MAGI2: variants seen among roughly 807,000 people sequenced by gnomAD.
The protein encoded by MAGI2 is membrane-associated guanylate kinase, WW and PDZ domain-containing protein 2.
A neutral mutation model predicts 133.3 loss-of-function variants in MAGI2; 35 were observed. That is an observed-to-expected ratio of 0.26 (90% CI 0.20 to 0.35). The LOEUF is 0.35. MAGI2 is among the 10% of genes least tolerant of loss of function. MAGI2 has a pLI of 1.00. For missense variants in MAGI2, 1,636 were observed against 1,863.4 expected (o/e 0.88, Z 2.25); for synonymous variants, 729 against 710.6 (o/e 1.03, Z -0.41).
At chr7:78,767,157 T>G (rs934078892) in intron 2 of MAGI2, among the ~76,000 whole-genome samples, 6 of 151,908 alleles carry the variant, frequency 3.9e-5, no homozygotes, top group Non-Finnish European at 8.8e-5. Flanking sequence ...ACCTGGCTAA[T>G]TGTTTTGTAT....
At chr7:79,133,036 A>C (rs540788166) in intron 1 of MAGI2, among the ~76,000 whole-genome samples, 7 of 152,156 alleles carry the variant, frequency 4.6e-5, no homozygotes, top group African/African-American at 1.4e-4. Flanking sequence ...TTCCTTGTAG[A>C]TTCTGCTTAC....
At chr7:78,944,631 A>G (rs1801259893) in intron 2 of MAGI2, among the ~76,000 whole-genome samples, 1 of 152,154 alleles carries the variant, frequency 6.6e-6, no homozygotes, top group African/African-American at 2.4e-5. Flanking sequence ...AATTTATTAC[A>G]CTTGGGTACA....
chr7:78,647,232 T>A (rs1384862837), intron 2 of MAGI2, among the ~76,000 whole-genome samples: 5 of 151,864 alleles, frequency 3.3e-5, no homozygotes, highest in Non-Finnish European at 7.4e-5. Context: ...TGGGAGAAAA[T>A]TTTTGCAATC....
At chr7:79,181,000 A>G (rs1826567259) in intron 1 of MAGI2, among the ~76,000 whole-genome samples, 2 of 151,860 alleles carry the variant, frequency 1.3e-5, no homozygotes, top group Admixed American at 6.6e-5. Flanking sequence ...GTGAGTTCTC[A>G]TGGTCTTGGG....
chr7:79,387,238 C>G (rs553825862), intron 1 of MAGI2, among the ~76,000 whole-genome samples: 8 of 152,008 alleles, frequency 5.3e-5, no homozygotes, highest in African/African-American at 1.4e-4. Flanking sequence ...CCTATCTTTA[C>G]ATCAGTGGGA....
intron 2 of MAGI2, among the ~76,000 whole-genome samples, chr7:78,782,548 G>A (rs1317324538): frequency 6.6e-6 from 1 of 152,150 alleles, no homozygotes; most frequent in Non-Finnish European, 1.5e-5. Context: ...TCTAGCTGAA[G>A]TGGGTTTAAT....
intron 20 of MAGI2, among the ~76,000 whole-genome samples, chr7:78,084,535 G>A (rs1816406971): frequency 6.6e-6 from 1 of 152,196 alleles, no homozygotes; most frequent in Admixed American, 6.5e-5. Context: ...TTGAAATACT[G>A]CCTTACGCAG....
chr7:78,255,411 C>T (rs561462799), intron 10 of MAGI2: 51 of 195,286 alleles, frequency 2.6e-4, no homozygotes, highest in South Asian at 4.2e-4. Context: ...TCATTCCAAA[C>T]TGTGAAAAGA....
chr7:79,114,586 T>C (rs1819230240), intron 1 of MAGI2, among the ~76,000 whole-genome samples: 1 of 152,172 alleles, frequency 6.6e-6, no homozygotes, highest in African/African-American at 2.4e-5. Context: ...ATCAAGTGAA[T>C]GTCATAGTAT....
At chr7:78,787,911 C>G (rs1285204739) in intron 2 of MAGI2, among the ~76,000 whole-genome samples, 1 of 152,154 alleles carries the variant, frequency 6.6e-6, no homozygotes, top group Non-Finnish European at 1.5e-5. Flanking sequence ...AAACTGAGAA[C>G]AAATCCCATA....
chr7:78,717,020 A>G (rs929059957), intron 2 of MAGI2, among the ~76,000 whole-genome samples: 3 of 152,064 alleles, frequency 2.0e-5, no homozygotes, highest in African/African-American at 7.2e-5. Flanking sequence ...CCCAGGCCTA[A>G]CCCCTAACCC....
chr7:78,520,988 C>A (rs1796445652), intron 4 of MAGI2, among the ~76,000 whole-genome samples: 1 of 152,078 alleles, frequency 6.6e-6, no homozygotes, highest in African/African-American at 2.4e-5. Flanking sequence ...ATGACATAAC[C>A]TCTACTGAGA....
At position 78,857,038 on chromosome 7, in the gene MAGI2, A is replaced by C. The variant is rs528913123; in HGVS notation, c.418+150052T>G. 5.3e-5 allele frequency among the ~76,000 whole-genome samples: 8 copies of C among 152,240 alleles called. No individual in the cohort carries two copies. The South Asian group carries it at 1.2e-3, about 24-fold the overall frequency. On this transcript the variant is annotated intron_variant, in intron 2 of 21. Coordinates refer to ENST00000354212, the MANE Select transcript of MAGI2 (RefSeq NM_012301.4). ...AATTGTGAATGGGAGTTCACTCATG[A>C]TTTGGCTCTCTGTTTGTCTGTTATT... is the stretch of plus-strand genomic sequence containing the variant.
chr7:78,992,655 T>C (rs894786915), intron 2 of MAGI2, among the ~76,000 whole-genome samples: 7 of 152,012 alleles, frequency 4.6e-5, no homozygotes, highest in African/African-American at 1.4e-4. Flanking sequence ...GGTCAACATA[T>C]AGGCTTAAAT....
chr7:78,847,069 G>A (rs1233470167), intron 2 of MAGI2, among the ~76,000 whole-genome samples: 1 of 151,788 alleles, frequency 6.6e-6, no homozygotes, highest in Non-Finnish European at 1.5e-5. Flanking sequence ...AAAGATAATA[G>A]GTAGTTCAAA....
rs56324862 is a variant in MAGI2, at chr7:78,131,667, T to G, written c.3203+1222A>C. Among the ~76,000 whole-genome samples, 1,293 of 152,334 alleles carry G rather than the reference T, an allele frequency of 8.5e-3. 18 individuals carry two copies. The highest frequency in any genetic ancestry group is 0.03 in the African/African-American group (1,229 of 41,572). ...ATGGGAACATGTCTTCATCTTTCTCTTTAATGGCTGAACCCAACCCAGGCT... is the reference window on the plus strand; with the variant it reads ...ATGGGAACATGTCTTCATCTTTCTCGTTAATGGCTGAACCCAACCCAGGCT... On this transcript the variant is annotated intron_variant, in intron 18 of 21. Transcript: ENST00000354212.
At chr7:78,058,875 A>G (rs1334224631) in intron 21 of MAGI2, among the ~76,000 whole-genome samples, 2 of 152,184 alleles carry the variant, frequency 1.3e-5, no homozygotes, top group Non-Finnish European at 2.9e-5. Flanking sequence ...GAATTTTCCT[A>G]TGTCTTTTTC....
intron 9 of MAGI2, among the ~76,000 whole-genome samples, chr7:78,328,312 C>G (rs908640936): frequency 2.0e-5 from 3 of 151,736 alleles, no homozygotes; most frequent in Non-Finnish European, 4.4e-5. Context: ...TGAGGTTCTA[C>G]TCTGTAAGTT....
chr7:78,672,866 C>T (rs1814557032), intron 2 of MAGI2, among the ~76,000 whole-genome samples: 1 of 152,150 alleles, frequency 6.6e-6, no homozygotes, highest in Non-Finnish European at 1.5e-5. Context: ...TTACCATTGT[C>T]TCAAACTTAT....
Sources: allele counts gnomAD v4.1 joint callset (sites outside exome capture counted in the v4.1 genomes callset), GRCh38; gene constraint gnomAD v4.1.1; transcripts MANE v1.5; gene names NCBI Gene and HGNC (gene_info 2026-07-23, HGNC 2026-07-21).